Variants in SCMH1 observed in about 807,000 individuals in gnomAD.
The protein encoded by SCMH1 is Scm polycomb group protein homolog 1, also known as polycomb protein SCMH1.
SCMH1 carries 37 observed loss-of-function variants against 70.8 expected under a neutral mutation model. The ratio of observed to expected loss-of-function variants is 0.52; its 90% CI spans 0.40 to 0.69. The LOEUF (loss-of-function observed/expected upper bound fraction) is 0.69. Ranked by LOEUF, SCMH1 falls within the 30% of genes least tolerant of loss-of-function variation. The probability of loss-of-function intolerance (pLI) is 0.00; values close to 1 mark genes in which losing one functional copy is unlikely to be tolerated. For missense variants in SCMH1, 607 were observed against 827.3 expected (o/e 0.73, Z 3.27); for synonymous variants, 292 against 307.4 (o/e 0.95, Z 0.52).
chr1:41,234,453 CTTTTTTTTTTT>C (rs66686109), intron 1 of SCMH1, among the ~76,000 whole-genome samples: 2 of 49,420 alleles, frequency 4.0e-5, no homozygotes, highest in South Asian at 1.3e-3. Context: ...AACTCTGCCT[CTTTTTTTTTTT>C]TTTTTTTTTT....
intron 5 of SCMH1, 34 bp from the exon 6 acceptor site, chr1:41,143,146 T>A: frequency 2.6e-6 from 4 of 1,559,516 alleles, no homozygotes; most frequent in Non-Finnish European, 3.5e-6. Flanking sequence ...ATAGACAGAT[T>A]AAGAGTAAAA....
chr1:41,132,109 T>C (rs1642424945), intron 6 of SCMH1, among the ~76,000 whole-genome samples: 2 of 152,224 alleles, frequency 1.3e-5, no homozygotes, highest in South Asian at 4.1e-4. Flanking sequence ...TCTAGATCCT[T>C]GAAGAATCGC....
chr1:41,170,587 CA>C (rs1646725509), intron 2 of SCMH1, among the ~76,000 whole-genome samples: 2 of 152,174 alleles, frequency 1.3e-5, no homozygotes, highest in South Asian at 4.1e-4. Context: ...CATTTGCCAC[CA>C]GCATTCTTAT....
chr1:41,028,156 C>A (rs752699866), exon 15 of SCMH1: 2 of 1,612,972 alleles, frequency 1.2e-6, no homozygotes, highest in Non-Finnish European at 1.7e-6. Flanking sequence ...AATGCCCCCA[C>A]CTGCTGCCAC....
chr1:41,063,107 C>G (rs565745152), intron 10 of SCMH1, among the ~76,000 whole-genome samples: 1 of 152,016 alleles, frequency 6.6e-6, no homozygotes, highest in South Asian at 2.1e-4. Context: ...CAAATTAAAT[C>G]CAAAGTAAGC....
chr1:41,069,002 A>G (rs1361687426), intron 10 of SCMH1, among the ~76,000 whole-genome samples: 2 of 152,200 alleles, frequency 1.3e-5, no homozygotes, highest in Admixed American at 1.3e-4. Flanking sequence ...ACTTGGACAT[A>G]AAGAGAGATG....
rs1398973511 is a variant in SCMH1, at chr1:41,034,060, C to G, written c.1678+3302G>C. 1 of 1,600,492 alleles carries G rather than the reference C, an allele frequency of 6.2e-7. No homozygotes were observed. Among genetic ancestry groups the G allele is most frequent in the Non-Finnish European group, 8.5e-7 (1 of 1,172,924 alleles). ...TCCTTTTAACACTCCTGTGGAAAGA[C>G]CAGGTTGGTGTCACCATCTCCAGTT... On this transcript the variant is annotated intron_variant, in intron 13 of 14. Coordinates refer to ENST00000337495, the Ensembl canonical transcript of SCMH1.
chr1:41,139,691 T>C (rs546343713), intron 6 of SCMH1, among the ~76,000 whole-genome samples: 28 of 152,200 alleles, frequency 1.8e-4, no homozygotes, highest in Non-Finnish European at 3.2e-4. Context: ...AGGGGATAGA[T>C]ACACACATAC....
intron 2 of SCMH1, among the ~76,000 whole-genome samples, chr1:41,185,240 A>C (rs903105006): frequency 6.6e-6 from 1 of 152,196 alleles, no homozygotes; most frequent in Non-Finnish European, 1.5e-5. Flanking sequence ...ATTAAAAAAA[A>C]CAACAAGGCA....
At chr1:41,073,230 G>A (rs1430072524) in intron 9 of SCMH1, among the ~76,000 whole-genome samples, 4 of 152,098 alleles carry the variant, frequency 2.6e-5, no homozygotes, top group Non-Finnish European at 5.9e-5. Flanking sequence ...TCTAGTTATA[G>A]GGGCTCATTA....
chr1:41,040,113 T>C (rs1215427390), intron 12 of SCMH1, among the ~76,000 whole-genome samples: 1 of 152,102 alleles, frequency 6.6e-6, no homozygotes, highest in Non-Finnish European at 1.5e-5. Context: ...AGAGGAAAAA[T>C]GCTTAAACTT....
intron 2 of SCMH1, among the ~76,000 whole-genome samples, chr1:41,166,402 C>T (rs754575309): frequency 1.3e-4 from 20 of 151,960 alleles, no homozygotes; most frequent in Non-Finnish European, 2.7e-4. Flanking sequence ...ATTTTGATGG[C>T]AGTTGCATTA....
At chr1:41,128,353 T>C (rs1159243040) in intron 6 of SCMH1, among the ~76,000 whole-genome samples, 4 of 152,238 alleles carry the variant, frequency 2.6e-5, no homozygotes, top group African/African-American at 7.2e-5. Context: ...ACTGATATGC[T>C]TGTGATTAAT....
chr1:41,135,815 G>A (rs1439692758), intron 6 of SCMH1, among the ~76,000 whole-genome samples: 1 of 152,140 alleles, frequency 6.6e-6, no homozygotes, highest in African/African-American at 2.4e-5. Context: ...AAGTTCTGCT[G>A]GGTATTGTTG....
chr1:41,143,157 C>A (rs756298381), intron 5 of SCMH1, 45 bp from the exon 6 acceptor site: 8 of 1,477,418 alleles, frequency 5.4e-6, no homozygotes, highest in Non-Finnish European at 7.5e-6. Context: ...AAGAGTAAAA[C>A]CCCAAAATTC....
intron 7 of SCMH1, among the ~76,000 whole-genome samples, chr1:41,114,999 T>C (rs1670118649): frequency 6.6e-6 from 1 of 152,118 alleles, no homozygotes; most frequent in South Asian, 2.1e-4. Flanking sequence ...TTAATGCAGA[T>C]TTCTTCAACA....
At chr1:41,169,076 G>A (rs1467040438) in intron 2 of SCMH1, among the ~76,000 whole-genome samples, 1 of 152,154 alleles carries the variant, frequency 6.6e-6, no homozygotes, top group Non-Finnish European at 1.5e-5. Context: ...TGATCCTGAG[G>A]AGAAGCTCGT....
intron 10 of SCMH1, among the ~76,000 whole-genome samples, chr1:41,058,503 C>G (rs1651405134): frequency 1.3e-5 from 2 of 148,594 alleles, no homozygotes; most frequent in South Asian, 4.3e-4. Flanking sequence ...GCTTCAGCCT[C>G]CTGAGTTGCT....
chr1:41,075,234 G>T (rs756599115), exon 9 of SCMH1: 2 of 1,614,102 alleles, frequency 1.2e-6, no homozygotes, highest in Non-Finnish European at 1.7e-6. Context: ...TGCCAGGTTT[G>T]GGACCTCTCT....
Sources: gnomAD v4.1 joint callset for allele counts (sites outside exome capture counted in the v4.1 genomes callset) on GRCh38, gnomAD v4.1.1 for gene constraint, MANE v1.5 for transcripts, NCBI Gene and HGNC (gene_info 2026-07-23, HGNC 2026-07-21) for gene names.